CGREF1: variants seen among roughly 807,000 people sequenced by gnomAD.
CGREF1 encodes cell growth regulator with EF hand domain protein 1.
A neutral mutation model predicts 17.4 loss-of-function variants in CGREF1; 16 were observed. The ratio of observed to expected loss-of-function variants is 0.92; its 90% CI spans 0.62 to 1.40. CGREF1 has a LOEUF of 1.40. Ranked by LOEUF, CGREF1 falls within the 40% of genes most tolerant of loss-of-function variation. The probability of loss-of-function intolerance (pLI) is 0.00; values close to 1 mark genes in which losing one functional copy is unlikely to be tolerated. For missense variants in CGREF1, 296 were observed against 376.4 expected, an observed-to-expected ratio of 0.79 and a Z score of 1.77; for synonymous variants, 142 against 154.6, an observed-to-expected ratio of 0.92 and a Z score of 0.61.
downstream of CGREF1, chr2:27,099,677 A>G (rs776433978): frequency 6.2e-7 from 1 of 1,614,146 alleles, no homozygotes; most frequent in Non-Finnish European, 8.5e-7. Context: ...AGGAGCGTGC[A>G]GGAAGCACTG....
At chr2:27,111,661 G>C (rs1211293081) in intron 1 of CGREF1, among the ~76,000 whole-genome samples, 2 of 152,188 alleles carry the variant, frequency 1.3e-5, no homozygotes, top group Non-Finnish European at 2.9e-5. Flanking sequence ...GCCCCGCGGG[G>C]AGGCAGCTGA....
At chr2:27,099,526 C>A (rs1243388312), downstream of CGREF1, 3 of 1,614,196 alleles carry the variant, frequency 1.9e-6, no homozygotes, top group Non-Finnish European at 2.5e-6. Flanking sequence ...GGTGGATACA[C>A]TGGGAGCTGG....
At chr2:27,109,635 C>CA (rs1671272274) in intron 1 of CGREF1, among the ~76,000 whole-genome samples, 1 of 152,026 alleles carries the variant, frequency 6.6e-6, no homozygotes, top group Admixed American at 6.5e-5. Context: ...CCTGTAATCC[C>CA]AGCACTCTGG....
At chr2:27,110,233 G>GA (rs1671311135) in intron 1 of CGREF1, among the ~76,000 whole-genome samples, 1 of 151,956 alleles carries the variant, frequency 6.6e-6, no homozygotes, top group Non-Finnish European at 1.5e-5. Context: ...TGTCTCTACA[G>GA]AAAATAATTT....
At chr2:27,099,387 G>A (rs1420754242), downstream of CGREF1, 2 of 1,612,154 alleles carry the variant, frequency 1.2e-6, no homozygotes, top group Middle Eastern at 1.7e-4. Context: ...GACGGGGTGG[G>A]CTAACACCCA....
chr2:27,101,649 C>T lies in CGREF1; in HGVS notation c.582G>A (p.Gln194=), dbSNP rs779829731. The T allele has an allele frequency of 6.2e-7, 1 of 1,614,264 alleles. No homozygotes were observed. The highest frequency in any genetic ancestry group is 8.5e-7 in the Non-Finnish European group (1 of 1,180,046). ...APGPREEAKG[Q]VEARRESLDP... ...CCAAAGACTCCCTTCTGGCCTCTAC[C>T]TGGCCCTTTGCTTCTTCTCTGGGAC... Residue 194 remains glutamine, a synonymous_variant, in exon 6 of 6, where the codon CAG becomes CAA. Transcript: ENST00000402394.
chr2:27,115,573 G>C (rs535452157), intron 1 of CGREF1, among the ~76,000 whole-genome samples: 35 of 152,186 alleles, frequency 2.3e-4, no homozygotes, highest in Admixed American at 1.8e-3. Context: ...CCTGTCTCTG[G>C]TATTTTCTCC....
intron 1 of CGREF1, among the ~76,000 whole-genome samples, chr2:27,106,331 CAA>C (rs1408710350): frequency 4.6e-5 from 7 of 152,166 alleles, no homozygotes; most frequent in African/African-American, 1.7e-4. Flanking sequence ...GAGTATCTGC[CAA>C]ACCAAACCCA....
chr2:27,107,980 A>C (rs924629132), intron 1 of CGREF1, among the ~76,000 whole-genome samples: 3 of 151,786 alleles, frequency 2.0e-5, no homozygotes, highest in African/African-American at 7.3e-5. Flanking sequence ...GAGCATAAAA[A>C]TGACCAAGTA....
chr2:27,116,871 TTCTCTCTCTCTCTCTCTCTCTCTCTC>T (rs537582075), intron 1 of CGREF1, among the ~76,000 whole-genome samples: 16 of 33,698 alleles, frequency 4.7e-4, no homozygotes, highest in South Asian at 1.5e-3. Context: ...GCCAGGCCTA[TTCTCTCTCTCTCTCTCTCTCTCTCTC>T]TCTCTCTCTC....
intron 4 of CGREF1, 22 bp downstream of exon 4, chr2:27,102,338 C>A: frequency 6.2e-7 from 1 of 1,613,580 alleles, no homozygotes; most frequent in South Asian, 1.1e-5. Flanking sequence ...CCGTCCCTGG[C>A]CCCATCAGCC....
chr2:27,107,961 A>G (rs1368698832), intron 1 of CGREF1, among the ~76,000 whole-genome samples: 2 of 151,390 alleles, frequency 1.3e-5, no homozygotes, highest in African/African-American at 4.8e-5. Flanking sequence ...GAAAGAAAGA[A>G]AGAAATAAGA....
At chr2:27,103,989 A>G in intron 2 of CGREF1, among the ~76,000 whole-genome samples, 1 of 143,284 alleles carries the variant, frequency 7.0e-6, no homozygotes, top group East Asian at 1.9e-4. Context: ...TCTCAAGAAC[A>G]AACAAACAAA....
chr2:27,107,285 C>T (rs1671158219), intron 1 of CGREF1, among the ~76,000 whole-genome samples: 1 of 120,828 alleles, frequency 8.3e-6, no homozygotes, highest in African/African-American at 3.4e-5. Context: ...GAGAGGGTCT[C>T]GCTCTGTTGC....
chr2:27,102,669 T>C, intron 2 of CGREF1, 78 bp from the exon 3 acceptor site: 1 of 1,461,774 alleles, frequency 6.8e-7, no homozygotes, highest in Non-Finnish European at 9.3e-7. Context: ...GCCTCCAATC[T>C]CCTGGCAGTT....
intron 1 of CGREF1, among the ~76,000 whole-genome samples, chr2:27,113,868 T>G (rs916052087): frequency 2.0e-5 from 3 of 152,048 alleles, no homozygotes; most frequent in Admixed American, 2.0e-4. Flanking sequence ...AATTGCTTTC[T>G]CCACCCTATC....
intron 1 of CGREF1, among the ~76,000 whole-genome samples, chr2:27,109,885 C>CAAAAAA (rs55824603): frequency 2.0e-4 from 13 of 65,834 alleles, no homozygotes; most frequent in African/African-American, 7.8e-4. Context: ...GACTCCGTCT[C>CAAAAAA]AAAAAAAAAA....
intron 1 of CGREF1, among the ~76,000 whole-genome samples, chr2:27,110,072 G>C (rs1671301352): frequency 6.6e-6 from 1 of 151,310 alleles, no homozygotes; most frequent in Admixed American, 6.6e-5. Flanking sequence ...GAAATAAAAA[G>C]TAAAGGCTGG....
chr2:27,107,933 C>CAAAAAAAAAA (rs143132359), intron 1 of CGREF1, among the ~76,000 whole-genome samples: 1 of 95,816 alleles, frequency 1.0e-5, no homozygotes, highest in East Asian at 2.9e-4. Flanking sequence ...GACTCTGTCT[C>CAAAAAAAAAA]AAAAAAAAAA....
Sources: gnomAD v4.1 joint callset for allele counts (sites outside exome capture counted in the v4.1 genomes callset) on GRCh38, gnomAD v4.1.1 for gene constraint, MANE v1.5 for transcripts, NCBI Gene and HGNC (gene_info 2026-07-23, HGNC 2026-07-21) for gene names.